RMI1: variants seen among roughly 807,000 people sequenced by gnomAD.
RMI1 encodes recQ-mediated genome instability protein 1.
A neutral mutation model predicts 46.7 loss-of-function variants in RMI1; 36 were observed. That is an observed-to-expected ratio of 0.77 (90% confidence interval 0.59 to 1.02). The LOEUF is 1.02. Ranked by LOEUF, RMI1 falls within the 50% of genes least tolerant of loss-of-function variation. RMI1 has a pLI of 0.00. For missense variants in RMI1, 676 were observed against 713.7 expected, an observed-to-expected ratio of 0.95 and a Z score of 0.60; for synonymous variants, 250 against 252.9, an observed-to-expected ratio of 0.99 and a Z score of 0.11.
At chr9:83,986,127 A>G (rs771623651) in intron 1 of RMI1, among the ~76,000 whole-genome samples, 4 of 152,242 alleles carry the variant, frequency 2.6e-5, no homozygotes, top group Non-Finnish European at 5.9e-5. Flanking sequence ...AAAAATGTAA[A>G]AATTATTTTA....
intron 2 of RMI1, among the ~76,000 whole-genome samples, chr9:84,000,097 C>T (rs1957716541): frequency 6.6e-6 from 1 of 152,124 alleles, no homozygotes; most frequent in African/African-American, 2.4e-5. Context: ...TGGACAGACA[C>T]AGTGGTATGT....
chr9:83,986,524 T>C (rs1451339624), intron 1 of RMI1, among the ~76,000 whole-genome samples: 1 of 152,240 alleles, frequency 6.6e-6, no homozygotes, highest in Non-Finnish European at 1.5e-5. Context: ...GGGTATGATA[T>C]GTATGCCTTA....
In RMI1 at chr9:83,994,849, C is replaced by T. The variant is rs540737042; in HGVS notation, c.-125-4860C>T. On this transcript the variant is annotated intron_variant, in intron 1 of 2. Transcript: ENST00000445877. ...TTTTTGTTATCTTATATTTTACATC[C>T]AGCTTGTTAGGTCTTCTGATACTTT... is the stretch of plus-strand genomic sequence containing the variant. Among the ~76,000 whole-genome samples, 16 of 152,170 alleles carry T rather than the reference C, an allele frequency of 1.1e-4. No individual in the cohort carries two copies. The South Asian group carries it at 2.9e-3, about 28-fold the overall frequency.
intron 1 of RMI1, among the ~76,000 whole-genome samples, chr9:83,986,863 C>G (rs1176782464): frequency 6.6e-6 from 1 of 152,204 alleles, no homozygotes; most frequent in Non-Finnish European, 1.5e-5. Context: ...TTTGAAGTTT[C>G]AAAGTCAACT....
At chr9:83,986,603 T>C (rs1957494004) in intron 1 of RMI1, among the ~76,000 whole-genome samples, 1 of 152,206 alleles carries the variant, frequency 6.6e-6, no homozygotes, top group South Asian at 2.1e-4. Context: ...AAAATTACTG[T>C]TTTGAGGTTT....
At chr9:83,988,048 G>GT (rs2133106474) in intron 1 of RMI1, among the ~76,000 whole-genome samples, 1 of 152,086 alleles carries the variant, frequency 6.6e-6, no homozygotes, top group South Asian at 2.1e-4. Context: ...ACCACACTCA[G>GT]TTTTTTAATT....
chr9:83,999,605 G>C (rs1195358940), intron 1 of RMI1, 104 bp from the exon 2 acceptor site: 7 of 152,152 alleles, frequency 4.6e-5, no homozygotes, highest in Non-Finnish European at 8.8e-5. Flanking sequence ...TCTTGTTTCT[G>C]ATCCCCATGA....
At chr9:83,989,033 T>C (rs1181817537) in intron 1 of RMI1, among the ~76,000 whole-genome samples, 2 of 152,278 alleles carry the variant, frequency 1.3e-5, no homozygotes, top group African/African-American at 2.4e-5. Flanking sequence ...ATTTTGTTTA[T>C]ATTTTTGTAG....
chr9:83,990,543 A>C (rs1252456745), intron 1 of RMI1, among the ~76,000 whole-genome samples: 1 of 151,554 alleles, frequency 6.6e-6, no homozygotes, highest in Non-Finnish European at 1.5e-5. Flanking sequence ...AATAAGTTCT[A>C]GTGTTTGATA....
At position 84,002,253 on chromosome 9, in the gene RMI1, A is replaced by G. The variant is rs1297421819; in HGVS notation, c.1267A>G (p.Thr423Ala). ...TACAAATAAAGAAAAGAACTTAGAGACAGATAATAAAATAAAACAAACCAG... is the reference window on the plus strand; with the variant it reads ...TACAAATAAAGAAAAGAACTTAGAGGCAGATAATAAAATAAAACAAACCAG... ...DFTNKEKNLE[T>A]DNKIKQTSSS... Residue 423 changes from threonine to alanine, a missense_variant, in exon 3 of 3, where the codon ACA becomes GCA. Thr to Ala is a moderately conservative substitution (Grantham distance 58). Coordinates refer to ENST00000445877, the MANE Select transcript of RMI1 (RefSeq NM_001358291.2). The G allele has an allele frequency of 1.9e-6, 3 of 1,606,822 alleles. No homozygotes were observed. Among genetic ancestry groups the G allele is most frequent in the Non-Finnish European group, 1.7e-6 (2 of 1,177,686 alleles).
At chr9:83,984,704 G>A (rs1957466155) in intron 1 of RMI1, among the ~76,000 whole-genome samples, 1 of 151,890 alleles carries the variant, frequency 6.6e-6, no homozygotes, top group Non-Finnish European at 1.5e-5. Flanking sequence ...TGGGATTACA[G>A]GCATGCGCCA....
At chr9:83,986,809 C>G (rs1331590313) in intron 1 of RMI1, among the ~76,000 whole-genome samples, 1 of 152,178 alleles carries the variant, frequency 6.6e-6, no homozygotes, top group African/African-American at 2.4e-5. Flanking sequence ...TTGACCTTTT[C>G]AGTTCATAAC....
At position 84,002,399 on chromosome 9, in the gene RMI1, A is replaced by C; in HGVS notation, c.1413A>C (p.Leu471Phe). ...ENDCNLQSCSLRSSENSINLS... is the reference protein window; with the variant it reads ...ENDCNLQSCSFRSSENSINLS... ...ATTGTAATTTACAGAGTTGTTCTTT[A>C]AGATCATCAGAGAATAGCATTAATC... Residue 471 changes from leucine to phenylalanine, a missense_variant, in exon 3 of 3, where the codon TTA becomes TTC. Leu to Phe is a conservative substitution (Grantham distance 22). Coordinates refer to ENST00000445877, the MANE Select transcript of RMI1 (RefSeq NM_001358291.2). 6.2e-7 allele frequency: 1 copy of C among 1,612,862 alleles called. No individual in the cohort carries two copies. The highest frequency in any genetic ancestry group is 1.1e-5 in the South Asian group (1 of 91,050).
chr9:83,998,389 A>G (rs1470713929), intron 1 of RMI1, among the ~76,000 whole-genome samples: 3 of 152,228 alleles, frequency 2.0e-5, no homozygotes, highest in South Asian at 2.1e-4. Flanking sequence ...CCCACTGTTT[A>G]TAGGTTCCTG....
Position 84,003,044 on chromosome 9 carries a change from ATCT to A in RMI1, c.*182_*184del. 4.9e-6 allele frequency: 2 copies of A among 405,478 alleles called. No homozygotes were observed. The highest frequency in any genetic ancestry group is 8.4e-6 in the Non-Finnish European group (2 of 238,890). The allele number at this position is 405,478 out of a possible 1,614,324, so 25.1% of individuals were successfully genotyped here. On this transcript the variant is annotated 3_prime_UTR_variant, in exon 3 of 3. Coordinates refer to ENST00000445877, the MANE Select transcript of RMI1 (RefSeq NM_001358291.2). The stretch of plus-strand genomic sequence containing the variant: ...ATGTGGAGCTTTTGAAAATAAGTTA[ATCT>A]TTTTTTTTTTTTTTTTAATGTCAGG...
At chr9:83,992,652 A>C (rs529551237) in intron 1 of RMI1, among the ~76,000 whole-genome samples, 2 of 152,294 alleles carry the variant, frequency 1.3e-5, no homozygotes, top group South Asian at 4.1e-4. Context: ...AGTGCAGTAA[A>C]TATTGATTTT....
At chr9:83,995,720 G>T (rs77149790) in intron 1 of RMI1, among the ~76,000 whole-genome samples, 27,909 of 152,120 alleles carry the variant, frequency 0.18, 3,223 homozygotes, top group Non-Finnish European at 0.26. Context: ...GAGCCACTGC[G>T]CCCAGCAGGT....
intron 1 of RMI1, among the ~76,000 whole-genome samples, chr9:83,997,141 C>T (rs1328978825): frequency 8.9e-5 from 9 of 101,090 alleles, no homozygotes; most frequent in African/African-American, 3.4e-4. Flanking sequence ...GATAGGGTTT[C>T]GCTCTTGTTG....
At chr9:83,996,768 G>A (rs1957659691) in intron 1 of RMI1, among the ~76,000 whole-genome samples, 3 of 151,904 alleles carry the variant, frequency 2.0e-5, no homozygotes, top group Admixed American at 1.3e-4. Flanking sequence ...CTGTACAGGA[G>A]CAGGCTGGGG....
Sources: allele counts gnomAD v4.1 joint callset (sites outside exome capture counted in the v4.1 genomes callset), GRCh38; gene constraint gnomAD v4.1.1; transcripts MANE v1.5; gene names NCBI Gene and HGNC (gene_info 2026-07-23, HGNC 2026-07-21).